The following ZNF804B variants were observed in gnomAD, a reference collection of about 807,000 sequenced individuals.
The protein encoded by ZNF804B is zinc finger protein 804B.
ZNF804B carries 80 observed loss-of-function variants against 101.4 expected under a neutral mutation model. That is an observed-to-expected ratio of 0.79 (90% CI 0.66 to 0.95). ZNF804B has a LOEUF of 0.95. Among genes scored for constraint, ZNF804B ranks in the 40% least tolerant of loss-of-function variants. ZNF804B has a pLI of 0.00. For synonymous variants in ZNF804B, 622 were observed against 558.8 expected (o/e 1.11, Z -1.59); for missense variants, 1,673 against 1,561.9 (o/e 1.07, Z -1.20).
chr7:88,930,802 A>G (rs1792871301), intron 1 of ZNF804B, among the ~76,000 whole-genome samples: 1 of 151,918 alleles, frequency 6.6e-6, no homozygotes, highest in Non-Finnish European at 1.5e-5. Context: ...TCTTCCTCTT[A>G]CCAACATGCA....
At chr7:89,265,908 A>T (rs773238234) in intron 2 of ZNF804B, among the ~76,000 whole-genome samples, 12 of 152,202 alleles carry the variant, frequency 7.9e-5, no homozygotes, top group Non-Finnish European at 1.3e-4. Context: ...GTAAGTTTCC[A>T]TATTGCAGTT....
At chr7:88,894,651 A>G (rs894327076) in intron 1 of ZNF804B, among the ~76,000 whole-genome samples, 2 of 152,222 alleles carry the variant, frequency 1.3e-5, no homozygotes, top group African/African-American at 4.8e-5. Flanking sequence ...TGGTAAATCC[A>G]TATGATAAAA....
intron 1 of ZNF804B, among the ~76,000 whole-genome samples, chr7:89,193,209 T>C (rs190896631): frequency 6.6e-6 from 1 of 150,834 alleles, no homozygotes; most frequent in African/African-American, 2.4e-5. Context: ...AGTCAAACCA[T>C]CTTTGTTTGC....
chr7:88,948,118 G>C (rs373961584), intron 1 of ZNF804B, among the ~76,000 whole-genome samples: 2 of 151,844 alleles, frequency 1.3e-5, no homozygotes, highest in East Asian at 3.9e-4. Flanking sequence ...AGACTTTCCA[G>C]ATCTCCTTGA....
Position 89,127,607 on chromosome 7 carries a change from G to T in ZNF804B, c.109-90548G>T, listed in dbSNP as rs143771179. Among the ~76,000 whole-genome samples the T allele has an allele frequency of 1.3e-3, 202 of 151,804 alleles. 3 individuals carry two copies. The highest frequency in any genetic ancestry group is 1.5e-3 in the Non-Finnish European group (100 of 67,786). On this transcript the variant is annotated intron_variant, in intron 1 of 3. Coordinates refer to ENST00000333190, the MANE Select transcript of ZNF804B (RefSeq NM_181646.5). ...ATCTCTAAGGAAGTAGTTAAGAAAA[G>T]AAAAATGTAAGCGCAGATAACATAT...
intron 1 of ZNF804B, among the ~76,000 whole-genome samples, chr7:89,036,738 A>G (rs61468597): frequency 0.042 from 6,457 of 152,162 alleles, 448 homozygotes; most frequent in African/African-American, 0.14. Context: ...TAAAACTTGG[A>G]TGTTGGACAC....
At chr7:89,234,409 T>C (rs1235519997) in intron 2 of ZNF804B, among the ~76,000 whole-genome samples, 3 of 152,154 alleles carry the variant, frequency 2.0e-5, no homozygotes, top group Admixed American at 6.5e-5. Flanking sequence ...TTAGGTATAA[T>C]CTACTTAACC....
intron 1 of ZNF804B, among the ~76,000 whole-genome samples, chr7:88,938,423 C>T (rs1227449085): frequency 1.3e-5 from 2 of 151,858 alleles, no homozygotes; most frequent in Admixed American, 6.6e-5. Flanking sequence ...AACAACTTTG[C>T]GGGGCTATTT....
At chr7:88,875,332 A>G (rs1791913546) in intron 1 of ZNF804B, among the ~76,000 whole-genome samples, 1 of 151,978 alleles carries the variant, frequency 6.6e-6, no homozygotes, top group Non-Finnish European at 1.5e-5. Context: ...AAGGAAATAG[A>G]GACACAAAAA....
At position 89,334,729 on chromosome 7, in the gene ZNF804B, T is replaced by C. The variant is rs1197338673; in HGVS notation, c.1747T>C (p.Tyr583His). 1 of 1,613,746 alleles carries C rather than the reference T, an allele frequency of 6.2e-7. No individual in the cohort carries two copies. The highest frequency in any genetic ancestry group is 8.5e-7 in the Non-Finnish European group (1 of 1,179,828). ...LEMKNPKVPL[Y>H]LNTSLKDCAG... is the part of the protein sequence containing the mutation. ...AATGAAAAATCCTAAAGTGCCTCTT[T>C]ACCTCAACACATCTCTAAAGGATTG... The change falls in exon 4 of 4, where the codon TAC becomes CAC. Residue 583 changes from tyrosine to histidine, a missense_variant. Tyr to His is a moderately conservative substitution (Grantham distance 83). Transcript: ENST00000333190.
intron 1 of ZNF804B, among the ~76,000 whole-genome samples, chr7:89,172,113 CA>C (rs1791246442): frequency 6.6e-6 from 1 of 151,956 alleles, no homozygotes; most frequent in Admixed American, 6.6e-5. Flanking sequence ...TAAAATCAGA[CA>C]AAGGAAGGAA....
At chr7:88,912,644 G>T (rs1010661779) in intron 1 of ZNF804B, among the ~76,000 whole-genome samples, 3 of 152,024 alleles carry the variant, frequency 2.0e-5, no homozygotes, top group Non-Finnish European at 4.4e-5. Flanking sequence ...ATGAAGCTTT[G>T]TGAGTTTTTA....
At chr7:89,268,980 G>A (rs759931876) in intron 2 of ZNF804B, among the ~76,000 whole-genome samples, 1 of 151,900 alleles carries the variant, frequency 6.6e-6, no homozygotes, top group Non-Finnish European at 1.5e-5. Flanking sequence ...CATCTGGTTG[G>A]CATTCAGTGC....
intron 1 of ZNF804B, among the ~76,000 whole-genome samples, chr7:89,195,800 C>G (rs975555798): frequency 6.6e-6 from 1 of 151,694 alleles, no homozygotes; most frequent in African/African-American, 2.4e-5. Context: ...CTCCCATTCA[C>G]AATTGCTTAA....
At chr7:89,029,256 A>C (rs1039744589) in intron 1 of ZNF804B, among the ~76,000 whole-genome samples, 4 of 152,120 alleles carry the variant, frequency 2.6e-5, no homozygotes, top group African/African-American at 9.7e-5. Context: ...GGCATGCACC[A>C]TCACACCCAG....
At chr7:88,874,241 G>T (rs1454792463) in intron 1 of ZNF804B, among the ~76,000 whole-genome samples, 2 of 152,052 alleles carry the variant, frequency 1.3e-5, no homozygotes, top group African/African-American at 2.4e-5. Context: ...AATTGTGAAT[G>T]GGAGTTCACT....
intron 1 of ZNF804B, among the ~76,000 whole-genome samples, chr7:88,984,043 C>A (rs17165998): frequency 0.12 from 18,821 of 151,980 alleles, 1,738 homozygotes; most frequent in East Asian, 0.29. Context: ...AAATGAGAAA[C>A]CTAAATGAAA....
chr7:89,152,443 T>G (rs549812236), intron 1 of ZNF804B, among the ~76,000 whole-genome samples: 6 of 152,110 alleles, frequency 3.9e-5, no homozygotes, highest in African/African-American at 1.2e-4. Flanking sequence ...TCTATTAAAT[T>G]CAATTAAAAT....
At chr7:88,893,043 A>G (rs1240983867) in intron 1 of ZNF804B, among the ~76,000 whole-genome samples, 3 of 151,988 alleles carry the variant, frequency 2.0e-5, no homozygotes, top group African/African-American at 7.2e-5. Context: ...TGGGGTTTTA[A>G]TGTGGGTTTT....
Sources: gnomAD v4.1 joint callset for allele counts (sites outside exome capture counted in the v4.1 genomes callset) on GRCh38, gnomAD v4.1.1 for gene constraint, MANE v1.5 for transcripts, NCBI Gene and HGNC (gene_info 2026-07-23, HGNC 2026-07-21) for gene names.